TEX11: variants seen among roughly 807,000 people sequenced by gnomAD.
TEX11 encodes testis-expressed protein 11.
TEX11 carries 7 observed loss-of-function variants against 84.4 expected under a neutral mutation model. That is an observed-to-expected ratio of 0.08 (90% CI 0.05 to 0.16). The LOEUF is 0.16. TEX11 is among the 10% of genes least tolerant of loss of function. TEX11 has a pLI of 1.00. For synonymous variants in TEX11, 264 were observed against 222.8 expected (o/e 1.18, Z -1.64); for missense variants, 551 against 660.5 (o/e 0.83, Z 1.82).
chrX:70,528,923 T>C, downstream of TEX11: 1 of 445,049 alleles, frequency 2.2e-6, no homozygotes, highest in Non-Finnish European at 3.9e-6. Context: ...CCCCCAGAAA[T>C]GAGCTGGTCA....
chrX:70,585,818 C>T (rs1392441501), intron 25 of TEX11, among the ~76,000 whole-genome samples: 1 of 112,113 alleles, frequency 8.9e-6, no homozygotes, highest in Non-Finnish European at 1.9e-5. Flanking sequence ...TTTGGGAGGC[C>T]GAGGTGGGTG....
At chrX:70,603,892 G>A (rs1054925663) in intron 24 of TEX11, among the ~76,000 whole-genome samples, 5 of 12,242 alleles carry the variant, frequency 4.1e-4, no homozygotes, top group Non-Finnish European at 4.1e-4. Context: ...AGTGGGCGAA[G>A]GACATGAACA....
At chrX:70,655,805 T>G (rs1022336107) in intron 16 of TEX11, among the ~76,000 whole-genome samples, 4 of 110,975 alleles carry the variant, frequency 3.6e-5, no homozygotes, top group Admixed American at 9.6e-5. Context: ...CCACACAGTT[T>G]GTAGTGCTTT....
At chrX:70,904,469 A>C in intron 2 of TEX11, among the ~76,000 whole-genome samples, 1 of 112,489 alleles carries the variant, frequency 8.9e-6, no homozygotes, top group Non-Finnish European at 1.9e-5. Context: ...TTCCAAAGTA[A>C]AATGGTAAAT....
chrX:70,695,147 C>T (rs1276156271), intron 13 of TEX11, among the ~76,000 whole-genome samples: 1 of 112,194 alleles, frequency 8.9e-6, no homozygotes, highest in East Asian at 2.8e-4. Flanking sequence ...GAAATGAAAG[C>T]AAATGTCCAT....
At chrX:70,682,245 C>A (rs1464439795) in intron 14 of TEX11, among the ~76,000 whole-genome samples, 1 of 111,105 alleles carries the variant, frequency 9.0e-6, no homozygotes, top group Non-Finnish European at 1.9e-5. Flanking sequence ...TATAAGATTG[C>A]ATCACAAAAG....
chrX:70,884,393 C>T (rs1370462838), intron 2 of TEX11, among the ~76,000 whole-genome samples: 1 of 111,541 alleles, frequency 9.0e-6, no homozygotes, highest in Non-Finnish European at 1.9e-5. Flanking sequence ...AACTGAAAAA[C>T]AGCAGAAAGG....
rs747585067 is a variant in TEX11, at chrX:70,754,736, G to GGA, written c.693-10519_693-10518dup. 5.5e-5 allele frequency among the ~76,000 whole-genome samples: 6 copies of GGA among 108,783 alleles called. No individual in the cohort carries two copies. In the East Asian group the frequency reaches 8.8e-4, roughly 16 times the overall value. 94.5% of individuals were successfully genotyped at this position (108,783 alleles called of 115,157 possible). ...TAAACCCCAAGTTTCAGGTAGCTCAGGAGAGAGAGAGAGAGAGAAAGAGAG... is the reference window on the plus strand; with the variant it reads ...TAAACCCCAAGTTTCAGGTAGCTCAGGAGAGAGAGAGAGAGAGAGAAAGAGAG... On this transcript the variant is annotated intron_variant, in intron 9 of 29. Coordinates refer to ENST00000374333, the MANE Select transcript of TEX11 (RefSeq NM_031276.3).
rs895888529 is a variant in TEX11, at chrX:70,539,671, A to T, written c.2521-9672T>A. On this transcript the variant is annotated intron_variant, in intron 28 of 29. Coordinates refer to ENST00000374333, the MANE Select transcript of TEX11 (RefSeq NM_031276.3). ...ACCAAGAAATTTCCACTTCCATGAG[A>T]TGGAATAAATGTACTTATCCCTATT... Among the ~76,000 whole-genome samples, 14 of 111,414 alleles carry T rather than the reference A, an allele frequency of 1.3e-4. No individual in the cohort carries two copies. In the Admixed American group the frequency reaches 1.3e-3, roughly 11 times the overall value.
chrX:70,779,474 T>C (rs1295744028), intron 9 of TEX11, among the ~76,000 whole-genome samples: 1 of 91,004 alleles, frequency 1.1e-5, no homozygotes, highest in Non-Finnish European at 2.2e-5. Flanking sequence ...AAAAGAAATA[T>C]CTCAAATAAA....
intron 28 of TEX11, among the ~76,000 whole-genome samples, chrX:70,543,161 G>A (rs1181038818): frequency 9.1e-6 from 1 of 110,443 alleles, no homozygotes; most frequent in African/African-American, 3.3e-5. Flanking sequence ...CAGCCTGGGC[G>A]ACACAGCGAG....
intron 5 of TEX11, among the ~76,000 whole-genome samples, chrX:70,859,970 C>T (rs1235066591): frequency 8.9e-6 from 1 of 112,044 alleles, no homozygotes; most frequent in Non-Finnish European, 1.9e-5. Flanking sequence ...GAGCCCAGAT[C>T]ACACCACTGC....
At chrX:70,851,569 A>G (rs2091508574) in intron 7 of TEX11, among the ~76,000 whole-genome samples, 1 of 110,626 alleles carries the variant, frequency 9.0e-6, no homozygotes, top group Non-Finnish European at 1.9e-5. Flanking sequence ...TATGGAAAAC[A>G]TTCTGGCAGT....
intron 9 of TEX11, among the ~76,000 whole-genome samples, chrX:70,795,041 T>G (rs1412825649): frequency 9.2e-6 from 1 of 108,481 alleles, no homozygotes; most frequent in Non-Finnish European, 1.9e-5. Flanking sequence ...GGTCCCCAAT[T>G]CCAGACCTTG....
intron 2 of TEX11, among the ~76,000 whole-genome samples, chrX:70,891,284 C>G (rs2091736423): frequency 8.9e-6 from 1 of 111,841 alleles, no homozygotes; most frequent in African/African-American, 3.2e-5. Flanking sequence ...GAAACCAGAG[C>G]AGACAAGCTG....
intron 25 of TEX11, among the ~76,000 whole-genome samples, chrX:70,587,511 G>A: frequency 1.8e-5 from 2 of 112,806 alleles, no homozygotes; most frequent in East Asian, 2.8e-4. Context: ...TGTTGTGCCT[G>A]TGGGTGCACA....
intron 16 of TEX11, among the ~76,000 whole-genome samples, chrX:70,658,948 T>C (rs926153534): frequency 8.9e-6 from 1 of 111,846 alleles, no homozygotes; most frequent in African/African-American, 3.2e-5. Context: ...CCCAAACTAT[T>C]CAATGGGAAA....
chrX:70,795,557 T>C (rs1438878216), intron 9 of TEX11, among the ~76,000 whole-genome samples: 2 of 111,784 alleles, frequency 1.8e-5, no homozygotes, highest in East Asian at 5.7e-4. Context: ...TGGCTTCAGG[T>C]CAGACACAGC....
At chrX:70,653,121 G>A (rs1283723842) in intron 16 of TEX11, among the ~76,000 whole-genome samples, 1 of 111,279 alleles carries the variant, frequency 9.0e-6, no homozygotes, top group East Asian at 2.8e-4. Flanking sequence ...AGAAATTTTA[G>A]GTGAACTTTG....
Sources: allele counts gnomAD v4.1 joint callset (sites outside exome capture counted in the v4.1 genomes callset), GRCh38; gene constraint gnomAD v4.1.1; transcripts MANE v1.5; gene names NCBI Gene and HGNC (gene_info 2026-07-23, HGNC 2026-07-21).